The following SUSD6 variants were observed in gnomAD, a reference collection of about 807,000 sequenced individuals.
SUSD6 encodes sushi domain containing 6, also known as sushi domain-containing protein 6.
In SUSD6, 16 loss-of-function variants were observed where a neutral mutation model predicts 28.4. The ratio of observed to expected loss-of-function variants is 0.56; its 90% CI spans 0.38 to 0.86. The LOEUF (loss-of-function observed/expected upper bound fraction) is 0.86, where lower values mean the gene tolerates loss of function less well. Ranked by LOEUF, SUSD6 falls within the 40% of genes least tolerant of loss-of-function variation. The probability of loss-of-function intolerance (pLI) is 0.00; values close to 1 mark genes in which losing one functional copy is unlikely to be tolerated. For synonymous variants in SUSD6, 147 were observed against 159.6 expected, an observed-to-expected ratio of 0.92 and a Z score of 0.59; for missense variants, 341 against 384.2, an observed-to-expected ratio of 0.89 and a Z score of 0.94.
intron 1 of SUSD6, among the ~76,000 whole-genome samples, chr14:69,640,311 A>G (rs532794653): frequency 3.9e-5 from 6 of 151,910 alleles, no homozygotes; most frequent in East Asian, 3.9e-4. Context: ...AAATTTATAT[A>G]TATATACACA....
At chr14:69,650,752 TTTGTTGTTG>T (rs138694940) in intron 1 of SUSD6, among the ~76,000 whole-genome samples, 2 of 152,038 alleles carry the variant, frequency 1.3e-5, no homozygotes, top group East Asian at 1.9e-4. Context: ...GAGGCTGGGT[TTTGTTGTTG>T]TTGTTGTTGT....
intron 1 of SUSD6, among the ~76,000 whole-genome samples, chr14:69,612,076 CG>C (rs1884884759): frequency 6.6e-6 from 1 of 150,820 alleles, no homozygotes. Flanking sequence ...GCTGCGCGGC[CG>C]GGGGGACCGG....
At chr14:69,659,473 C>A (rs1278793736) in intron 2 of SUSD6, among the ~76,000 whole-genome samples, 1 of 152,182 alleles carries the variant, frequency 6.6e-6, no homozygotes, top group Non-Finnish European at 1.5e-5. Context: ...TGGACGGGCC[C>A]TAGCAGGGGC....
chr14:69,641,796 G>A (rs1475687639), intron 1 of SUSD6, among the ~76,000 whole-genome samples: 5 of 151,804 alleles, frequency 3.3e-5, no homozygotes, highest in Admixed American at 6.6e-5. Flanking sequence ...GAGGAGGGGG[G>A]GTCTCCCTAT....
chr14:69,704,306 CA>C (rs34267390), intron 3 of SUSD6, among the ~76,000 whole-genome samples: 1 of 152,108 alleles, frequency 6.6e-6, no homozygotes, highest in African/African-American at 2.4e-5. Flanking sequence ...AGGATGGGAT[CA>C]AAGTGGTTTA....
chr14:69,693,852 C>G (rs1381876975), intron 2 of SUSD6, among the ~76,000 whole-genome samples: 1 of 152,130 alleles, frequency 6.6e-6, no homozygotes, highest in Non-Finnish European at 1.5e-5. Context: ...TGGCTCTGGT[C>G]CTGTTAGGTA....
chr14:69,699,360 C>T (rs981937789), intron 2 of SUSD6, among the ~76,000 whole-genome samples: 1 of 152,084 alleles, frequency 6.6e-6, no homozygotes, highest in Admixed American at 6.6e-5. Context: ...TGCATCACCA[C>T]ACCTGGCTAA....
At chr14:69,684,866 C>T (rs574197499) in intron 2 of SUSD6, among the ~76,000 whole-genome samples, 2 of 152,376 alleles carry the variant, frequency 1.3e-5, no homozygotes, top group South Asian at 4.1e-4. Context: ...CCTCAAGTTA[C>T]TCTCCTTAAA....
intron 1 of SUSD6, among the ~76,000 whole-genome samples, chr14:69,653,243 G>A (rs150648589): frequency 3.3e-5 from 5 of 152,318 alleles, no homozygotes; most frequent in African/African-American, 1.2e-4. Context: ...TTTTGGGGCT[G>A]ACGGTCGAGC....
intron 1 of SUSD6, among the ~76,000 whole-genome samples, chr14:69,648,489 T>C (rs1310429609): frequency 6.6e-6 from 1 of 152,172 alleles, no homozygotes; most frequent in African/African-American, 2.4e-5. Context: ...TTCAGTAAAA[T>C]TGAATGAAAT....
At chr14:69,629,862 T>C (rs1183300463) in intron 1 of SUSD6, among the ~76,000 whole-genome samples, 1 of 152,136 alleles carries the variant, frequency 6.6e-6, no homozygotes, top group Non-Finnish European at 1.5e-5. Context: ...CTGCCTTAAA[T>C]GAGGGAGGGT....
At chr14:69,624,683 G>A (rs1018837528) in intron 1 of SUSD6, among the ~76,000 whole-genome samples, 2 of 152,158 alleles carry the variant, frequency 1.3e-5, no homozygotes, top group South Asian at 2.1e-4. Flanking sequence ...TCGAACTCCC[G>A]ACCTCAGGTG....
chr14:69,702,954 G>A (rs1296927849), intron 2 of SUSD6, among the ~76,000 whole-genome samples: 4 of 152,170 alleles, frequency 2.6e-5, no homozygotes, highest in Non-Finnish European at 5.9e-5. Context: ...CAGGCCAAGA[G>A]TGCACGTTTT....
At chr14:69,647,595 T>G (rs138425291) in intron 1 of SUSD6, among the ~76,000 whole-genome samples, 8 of 152,092 alleles carry the variant, frequency 5.3e-5, no homozygotes, top group Non-Finnish European at 1.0e-4. Flanking sequence ...AGGCTGAGGA[T>G]GTGTATTTAA....
intron 1 of SUSD6, among the ~76,000 whole-genome samples, chr14:69,654,740 C>T (rs1379996418): frequency 2.0e-5 from 3 of 151,570 alleles, no homozygotes; most frequent in Non-Finnish European, 2.9e-5. Context: ...CTCAGTTCCC[C>T]TCCCTGAAGG....
At chr14:69,643,487 C>T (rs1885382993) in intron 1 of SUSD6, among the ~76,000 whole-genome samples, 1 of 152,230 alleles carries the variant, frequency 6.6e-6, no homozygotes. Flanking sequence ...GCAGAAGATT[C>T]TGTGCATCCT....
intron 1 of SUSD6, among the ~76,000 whole-genome samples, chr14:69,656,737 G>T (rs1442184736): frequency 1.3e-5 from 2 of 152,222 alleles, no homozygotes; most frequent in African/African-American, 4.8e-5. Flanking sequence ...TACAGATGAG[G>T]AGACTAAGGC....
chr14:69,669,697 C>A (rs1380065428), intron 2 of SUSD6, among the ~76,000 whole-genome samples: 1 of 144,358 alleles, frequency 6.9e-6, no homozygotes, highest in Non-Finnish European at 1.5e-5. Flanking sequence ...CCTTTTCCTC[C>A]CATACTTCTC....
chr14:69,667,441 A>G (rs906807431), intron 2 of SUSD6, among the ~76,000 whole-genome samples: 17 of 143,078 alleles, frequency 1.2e-4, no homozygotes, highest in African/African-American at 2.9e-4. Context: ...CAGTGGTGCA[A>G]TCTCGGCTCA....
Sources: allele counts gnomAD v4.1 joint callset (sites outside exome capture counted in the v4.1 genomes callset), GRCh38; gene constraint gnomAD v4.1.1; transcripts MANE v1.5; gene names NCBI Gene and HGNC (gene_info 2026-07-23, HGNC 2026-07-21).